EIF4G3: variants seen among roughly 807,000 people sequenced by gnomAD.
EIF4G3 encodes eukaryotic translation initiation factor 4 gamma 3.
A neutral mutation model predicts 186.4 loss-of-function variants in EIF4G3; 34 were observed. The ratio of observed to expected loss-of-function variants is 0.18; its 90% confidence interval spans 0.14 to 0.24. The LOEUF (loss-of-function observed/expected upper bound fraction) is 0.24. Among genes scored for constraint, EIF4G3 ranks in the 10% least tolerant of loss-of-function variants. The pLI is 1.00. For missense variants in EIF4G3, 1,536 were observed against 1,948.5 expected, an observed-to-expected ratio of 0.79 and a Z score of 3.99; for synonymous variants, 673 against 679.5, an observed-to-expected ratio of 0.99 and a Z score of 0.15.
intron 2 of EIF4G3, among the ~76,000 whole-genome samples, chr1:21,149,580 C>T (rs1186065873): frequency 6.6e-6 from 1 of 152,164 alleles, no homozygotes; most frequent in African/African-American, 2.4e-5. Flanking sequence ...GGAACTCAGG[C>T]ACAAACTCAC....
At chr1:21,174,120 A>G (rs2098050196) in intron 2 of EIF4G3, among the ~76,000 whole-genome samples, 1 of 152,270 alleles carries the variant, frequency 6.6e-6, no homozygotes. Flanking sequence ...TTTAGCTTCA[A>G]TGGCATGAGG....
chr1:20,986,578 CACTAAAAAAAT>C (rs2079519474), intron 7 of EIF4G3, among the ~76,000 whole-genome samples: 1 of 151,334 alleles, frequency 6.6e-6, no homozygotes, highest in Non-Finnish European at 1.5e-5. Context: ...ACCCCGTCTC[CACTAAAAAAAT>C]ACAAAAAAAA....
intron 4 of EIF4G3, among the ~76,000 whole-genome samples, chr1:21,024,616 T>C (rs1265213463): frequency 2.0e-5 from 3 of 150,334 alleles, no homozygotes; most frequent in Non-Finnish European, 3.0e-5. Context: ...CTCTGAAACA[T>C]GTGCTGTGTC....
intron 33 of EIF4G3, among the ~76,000 whole-genome samples, chr1:20,824,720 C>A (rs997861592): frequency 6.6e-6 from 1 of 152,166 alleles, no homozygotes; most frequent in African/African-American, 2.4e-5. Flanking sequence ...TGTCTCTAAT[C>A]TTCTACCTTA....
At chr1:21,141,734 G>A (rs940947086) in intron 2 of EIF4G3, among the ~76,000 whole-genome samples, 4 of 152,076 alleles carry the variant, frequency 2.6e-5, no homozygotes, top group Non-Finnish European at 4.4e-5. Context: ...TTCAAGACTA[G>A]CCTGGACAAC....
At position 20,849,457 on chromosome 1, in the gene EIF4G3, C is replaced by T. The variant is rs1173886525; in HGVS notation, c.3846G>A (p.Ser1282=). 3.2e-6 allele frequency: 5 copies of T among 1,556,514 alleles called. No individual in the cohort carries two copies. The highest frequency in any genetic ancestry group is 1.7e-4 in the Middle Eastern group (1 of 5,898). The change falls in exon 29 of 37, where the codon TCG becomes TCA. Residue 1282 remains serine, a synonymous_variant. Coordinates refer to ENST00000602326, the MANE Select transcript of EIF4G3 (RefSeq NM_001391906.1). ...ALSEEELERK[S]KSIIDEFLHI... is the part of the protein sequence containing the mutation. Reference sequence around the variant, plus strand: ...GTAGAAATTCATCAATGATAGATTTCGACTTCCTCTCCAGTTCCTCTTCTG... The same window carrying T: ...GTAGAAATTCATCAATGATAGATTTTGACTTCCTCTCCAGTTCCTCTTCTG...
chr1:20,820,344 C>G (rs2062026661), intron 33 of EIF4G3, among the ~76,000 whole-genome samples: 1 of 152,162 alleles, frequency 6.6e-6, no homozygotes, highest in Non-Finnish European at 1.5e-5. Context: ...GGCTGCCCTC[C>G]TAGGCATGCA....
At chr1:20,978,289 T>C (rs917687127) in intron 10 of EIF4G3, among the ~76,000 whole-genome samples, 1 of 152,170 alleles carries the variant, frequency 6.6e-6, no homozygotes, top group South Asian at 2.1e-4. Flanking sequence ...TTGGGTGATA[T>C]ATATATATAT....
chr1:21,166,783 T>C (rs2097862670), intron 2 of EIF4G3, among the ~76,000 whole-genome samples: 1 of 151,906 alleles, frequency 6.6e-6, no homozygotes, highest in African/African-American at 2.4e-5. Flanking sequence ...TTTTTGTTTG[T>C]TTTGGGGGGT....
chr1:20,917,607 G>C (rs2094024712), intron 14 of EIF4G3, among the ~76,000 whole-genome samples: 1 of 152,196 alleles, frequency 6.6e-6, no homozygotes, highest in Non-Finnish European at 1.5e-5. Flanking sequence ...GTGCTTGCCT[G>C]GCGATGAAGA....
intron 10 of EIF4G3, among the ~76,000 whole-genome samples, chr1:20,974,092 G>A (rs1413077406): frequency 6.6e-6 from 1 of 152,172 alleles, no homozygotes; most frequent in Non-Finnish European, 1.5e-5. Flanking sequence ...AGAGTTTGGG[G>A]CAGAAAAATC....
At chr1:20,828,085 T>A (rs1372746714) in intron 31 of EIF4G3, among the ~76,000 whole-genome samples, 1 of 142,708 alleles carries the variant, frequency 7.0e-6, no homozygotes, top group African/African-American at 2.7e-5. Context: ...CAGGCTGGAG[T>A]GCAGTGGCGC....
At chr1:20,964,000 G>A (rs1027843712) in intron 12 of EIF4G3, among the ~76,000 whole-genome samples, 13 of 151,460 alleles carry the variant, frequency 8.6e-5, no homozygotes, top group African/African-American at 2.7e-4. Context: ...AGACAATCTT[G>A]ACATGGCATC....
At chr1:20,931,117 G>A (rs1034956422) in intron 14 of EIF4G3, among the ~76,000 whole-genome samples, 1 of 151,978 alleles carries the variant, frequency 6.6e-6, no homozygotes, top group Non-Finnish European at 1.5e-5. Context: ...CCACACATAA[G>A]TGCAGGGCTA....
chr1:20,899,662 T>A (rs1393840111), intron 16 of EIF4G3, 35 bp downstream of exon 16: 2 of 1,610,758 alleles, frequency 1.2e-6, no homozygotes, highest in Non-Finnish European at 1.7e-6. Context: ...AGTAGAGGGA[T>A]AAAGAGGTAC....
At chr1:21,017,290 G>A (rs895986453) in intron 4 of EIF4G3, among the ~76,000 whole-genome samples, 8 of 152,120 alleles carry the variant, frequency 5.3e-5, no homozygotes, top group African/African-American at 1.9e-4. Flanking sequence ...AAATAAAATT[G>A]TGGTTGGCAA....
At chr1:20,940,451 C>A (rs1269525504) in intron 14 of EIF4G3, among the ~76,000 whole-genome samples, 1 of 152,104 alleles carries the variant, frequency 6.6e-6, no homozygotes, top group Non-Finnish European at 1.5e-5. Context: ...AAGAACTGAG[C>A]TGGGTAGAAA....
At chr1:20,840,406 A>C (rs933077225) in intron 30 of EIF4G3, among the ~76,000 whole-genome samples, 7 of 152,272 alleles carry the variant, frequency 4.6e-5, no homozygotes, top group African/African-American at 1.4e-4. Context: ...ATGAGGCTAG[A>C]GTGGGCACAC....
intron 12 of EIF4G3, among the ~76,000 whole-genome samples, chr1:20,966,234 G>T (rs1246317083): frequency 6.6e-6 from 1 of 152,114 alleles, no homozygotes; most frequent in Non-Finnish European, 1.5e-5. Flanking sequence ...ATTTACTGTT[G>T]AATCCTAAAT....
Sources: gnomAD v4.1 joint callset for allele counts (sites outside exome capture counted in the v4.1 genomes callset) on GRCh38, gnomAD v4.1.1 for gene constraint, MANE v1.5 for transcripts, NCBI Gene and HGNC (gene_info 2026-07-23, HGNC 2026-07-21) for gene names.